BMP6: variants seen among roughly 807,000 people sequenced by gnomAD.
BMP6 encodes VG-1-R.
Under a neutral mutation model 54.1 loss-of-function variants are expected in BMP6, and 17 were observed. The ratio of observed to expected loss-of-function variants is 0.31; its 90% confidence interval spans 0.22 to 0.47. The LOEUF (loss-of-function observed/expected upper bound fraction) is 0.47. Among genes scored for constraint, BMP6 ranks in the 20% least tolerant of loss-of-function variants. The pLI is 1.00. For missense variants in BMP6, 720 were observed against 690.4 expected (o/e 1.04, Z -0.48); for synonymous variants, 328 against 291.2 (o/e 1.13, Z -1.28).
At chr6:7,819,284 G>A (rs986357051) in intron 1 of BMP6, among the ~76,000 whole-genome samples, 1 of 152,080 alleles carries the variant, frequency 6.6e-6, no homozygotes, top group Non-Finnish European at 1.5e-5. Flanking sequence ...GAGGATGATC[G>A]GTTGAAATTC....
chr6:7,782,532 G>A (rs1469391051), intron 1 of BMP6, among the ~76,000 whole-genome samples: 1 of 152,124 alleles, frequency 6.6e-6, no homozygotes, highest in African/African-American at 2.4e-5. Context: ...CCAACATGGT[G>A]AAACCCTGTC....
intron 1 of BMP6, among the ~76,000 whole-genome samples, chr6:7,782,648 C>T (rs757682099): frequency 2.6e-5 from 4 of 151,838 alleles, no homozygotes; most frequent in East Asian, 1.9e-4. Flanking sequence ...GGTTGTAGTG[C>T]GCTAAGATGG....
At chr6:7,729,272 A>G (rs1761807825) in intron 1 of BMP6, among the ~76,000 whole-genome samples, 1 of 152,314 alleles carries the variant, frequency 6.6e-6, no homozygotes, top group Non-Finnish European at 1.5e-5. Context: ...CTTCTGACTT[A>G]GTAAATTCCT....
chr6:7,800,081 T>G (rs377441274), intron 1 of BMP6, among the ~76,000 whole-genome samples: 19 of 34,020 alleles, frequency 5.6e-4, no homozygotes, highest in African/African-American at 1.5e-3. Flanking sequence ...AAGGAAGGGG[T>G]GTGTGTGTGT....
chr6:7,874,084 A>G lies in BMP6; in HGVS notation c.1205-4990A>G, dbSNP rs144423469. On this transcript the variant is annotated intron_variant, in intron 4 of 6. Transcript: ENST00000283147. ...GTTAGGACCTTGGGGTCTTCAGGAG[A>G]CTCCCCTGCTGCACCCAGCTGGCAG... Among the ~76,000 whole-genome samples the G allele has an allele frequency of 1.3e-4, 19 of 151,666 alleles. No individual in the cohort carries two copies. The East Asian group carries it at 2.7e-3, about 22-fold the overall frequency.
chr6:7,805,246 T>C (rs1334568990), intron 1 of BMP6, among the ~76,000 whole-genome samples: 1 of 152,174 alleles, frequency 6.6e-6, no homozygotes, highest in Non-Finnish European at 1.5e-5. Context: ...ATCTTTTCAG[T>C]GCAGCCAGAA....
Position 7,880,262 on chromosome 6 carries a change from G to A in BMP6, c.1461G>A (p.Ser487=), listed in dbSNP as rs780201978. ...CGCCAACTAAGCTAAATGCCATCTC[G>A]GTTCTTTACTTTGATGACAACTCCA... ...CCAPTKLNAI[S]VLYFDDNSNV... is the part of the protein sequence containing the mutation. Residue 487 remains serine, a synonymous_variant, in exon 7 of 7, where the codon TCG becomes TCA. Coordinates refer to ENST00000283147, the MANE Select transcript of BMP6 (RefSeq NM_001718.6). 3.8e-5 allele frequency: 62 copies of A among 1,613,976 alleles called. No individual in the cohort carries two copies. The highest frequency in any genetic ancestry group is 8.9e-5 in the East Asian group (4 of 44,892).
At chr6:7,756,875 C>A (rs1581234480) in intron 1 of BMP6, among the ~76,000 whole-genome samples, 3 of 152,332 alleles carry the variant, frequency 2.0e-5, no homozygotes, top group South Asian at 2.1e-4. Flanking sequence ...TTTCCCCAGC[C>A]TTGTGTAAAC....
chr6:7,830,960 C>T (rs1326173590), intron 1 of BMP6, among the ~76,000 whole-genome samples: 2 of 152,126 alleles, frequency 1.3e-5, no homozygotes, highest in African/African-American at 4.8e-5. Context: ...GAGGTATATG[C>T]CCCAAAGAAC....
At chr6:7,861,756 AC>A (rs1303130632) in intron 3 of BMP6, among the ~76,000 whole-genome samples, 157 bp downstream of exon 3, 2 of 152,094 alleles carry the variant, frequency 1.3e-5, no homozygotes, top group Non-Finnish European at 2.9e-5. Flanking sequence ...GAGAACCAAA[AC>A]CTTTCCCGGA....
intron 4 of BMP6, among the ~76,000 whole-genome samples, chr6:7,875,455 C>T (rs1759600618): frequency 1.3e-5 from 2 of 152,104 alleles, no homozygotes; most frequent in South Asian, 4.1e-4. Flanking sequence ...AGGCAGGAGG[C>T]TTGCTTGAGG....
rs1331414750 is a variant in BMP6 at position 7,880,121 on chromosome 6, GTTTTGTAA to G, written c.1392+21_1392+28del. ...ACCTTGGTGAGCTCTCGGAGACTTT[GTTTTGTAA>G]GTGGGAGTAAGCCAAGACCAGGTGT... On this transcript the variant is annotated intron_variant, in intron 6 of 6. Transcript: ENST00000283147. The G allele has an allele frequency of 6.2e-7, 1 of 1,614,082 alleles. No individual in the cohort carries two copies. The highest frequency in any genetic ancestry group is 8.5e-7 in the Non-Finnish European group (1 of 1,179,954).
intron 2 of BMP6, among the ~76,000 whole-genome samples, chr6:7,847,685 G>T (rs1281840373): frequency 6.6e-6 from 1 of 152,168 alleles, no homozygotes. Flanking sequence ...GGCAGAAGTT[G>T]TGTGTCAGCC....
chr6:7,791,393 A>G (rs1758104839), intron 1 of BMP6, among the ~76,000 whole-genome samples: 1 of 152,138 alleles, frequency 6.6e-6, no homozygotes. Context: ...TGTGGGGAGC[A>G]GCATCTTCCC....
intron 1 of BMP6, among the ~76,000 whole-genome samples, chr6:7,761,960 T>C (rs1446991733): frequency 6.6e-6 from 1 of 152,054 alleles, no homozygotes; most frequent in African/African-American, 2.4e-5. Flanking sequence ...TGTAGTGGTG[T>C]GATCTCAGCT....
chr6:7,814,590 C>G (rs959872841), intron 1 of BMP6, among the ~76,000 whole-genome samples: 21 of 152,170 alleles, frequency 1.4e-4, no homozygotes, highest in African/African-American at 5.1e-4. Flanking sequence ...AAGTATCTCT[C>G]TCTACCTTTC....
chr6:7,808,914 TA>T (rs70982107), intron 1 of BMP6, among the ~76,000 whole-genome samples: 220 of 88,964 alleles, frequency 2.5e-3, no homozygotes, highest in Admixed American at 0.01. Flanking sequence ...ACCCTGTCTC[TA>T]AAAAAAAAAA....
intron 1 of BMP6, among the ~76,000 whole-genome samples, chr6:7,808,592 A>G (rs114355630): frequency 5.9e-5 from 9 of 152,232 alleles, no homozygotes; most frequent in Non-Finnish European, 1.0e-4. Flanking sequence ...TCCAACTAGC[A>G]CCAAACTTTT....
At chr6:7,783,343 C>T (rs926533343) in intron 1 of BMP6, among the ~76,000 whole-genome samples, 14 of 152,274 alleles carry the variant, frequency 9.2e-5, no homozygotes, top group Admixed American at 2.0e-4. Context: ...TAAAGTTATC[C>T]GGAGCAGTTG....
Sources: allele counts gnomAD v4.1 joint callset (sites outside exome capture counted in the v4.1 genomes callset), GRCh38; gene constraint gnomAD v4.1.1; transcripts MANE v1.5; gene names NCBI Gene and HGNC (gene_info 2026-07-23, HGNC 2026-07-21).